The following RIGI variants were observed in gnomAD, a reference collection of about 807,000 sequenced individuals.
RIGI encodes antiviral innate immune response receptor RIG-I.
the RIGI span, among the ~76,000 whole-genome samples, chr9:32,497,266 T>C: frequency 6.6e-6 from 1 of 152,308 alleles, no homozygotes; most frequent in South Asian, 2.1e-4. Flanking sequence ...CTTGGTTAGG[T>C]TTCTTCCTAA....
At chr9:32,471,450 C>T in the RIGI span, among the ~76,000 whole-genome samples, 13 of 152,210 alleles carry the variant, frequency 8.5e-5, no homozygotes, top group Non-Finnish European at 1.0e-4. Context: ...ATTTATTCAG[C>T]AATTATGGCT....
chr9:32,519,417 C>T, the RIGI span, among the ~76,000 whole-genome samples: 1 of 152,124 alleles, frequency 6.6e-6, no homozygotes, highest in Non-Finnish European at 1.5e-5. Context: ...GGACACCAGC[C>T]TTTAAAATTT....
chr9:32,467,785 A>G, the RIGI span: 1 of 1,594,000 alleles, frequency 6.3e-7, no homozygotes, highest in Non-Finnish European at 8.6e-7. Context: ...CATTTTGATG[A>G]CATTGCCCAC....
At chr9:32,466,542 G>A in the RIGI span, 1 of 1,083,616 alleles carries the variant, frequency 9.2e-7, no homozygotes, top group African/African-American at 1.6e-5. Flanking sequence ...ATTCAACTTT[G>A]GTTCACTGAA....
At chr9:32,473,838 G>A in the RIGI span, among the ~76,000 whole-genome samples, 59 of 152,110 alleles carry the variant, frequency 3.9e-4, no homozygotes, top group Admixed American at 1.2e-3. Flanking sequence ...GACCAACCTC[G>A]GCAACATGGC....
chr9:32,476,887 T>TCTG, the RIGI span: 1 of 1,082,450 alleles, frequency 9.2e-7, no homozygotes. Context: ...TTCCCAAACT[T>TCTG]CTGGGATTAC....
chr9:32,459,819 T>C, the RIGI span, among the ~76,000 whole-genome samples: 1 of 152,176 alleles, frequency 6.6e-6, no homozygotes, highest in Non-Finnish European at 1.5e-5. Context: ...CTTTAGTGTT[T>C]GGCAAAACTT....
the RIGI span, among the ~76,000 whole-genome samples, chr9:32,463,281 A>G: frequency 3.9e-5 from 6 of 152,190 alleles, no homozygotes; most frequent in African/African-American, 1.4e-4. Flanking sequence ...CTGTTACATT[A>G]TATGTATTTA....
chr9:32,457,340 A>G, the RIGI span: 13 of 1,614,174 alleles, frequency 8.1e-6, no homozygotes, highest in African/African-American at 1.5e-4. Flanking sequence ...TCAAAACTTG[A>G]AAACTGCTTT....
At chr9:32,475,398 G>A in the RIGI span, among the ~76,000 whole-genome samples, 1 of 152,156 alleles carries the variant, frequency 6.6e-6, no homozygotes, top group Non-Finnish European at 1.5e-5. Context: ...ATCACCCCAT[G>A]TCAAGACTTA....
chr9:32,516,978 G>A, the RIGI span, among the ~76,000 whole-genome samples: 2 of 152,146 alleles, frequency 1.3e-5, no homozygotes, highest in Non-Finnish European at 2.9e-5. Context: ...TATAGTAATG[G>A]GAAATTAGAA....
chr9:32,508,329 C>T, the RIGI span, among the ~76,000 whole-genome samples: 9 of 137,266 alleles, frequency 6.6e-5, no homozygotes, highest in Admixed American at 2.4e-4. Context: ...AAAGGAACAG[C>T]TCCGGTCTGC....
At chr9:32,491,107 A>G in the RIGI span, among the ~76,000 whole-genome samples, 1 of 152,238 alleles carries the variant, frequency 6.6e-6, no homozygotes, top group African/African-American at 2.4e-5. Flanking sequence ...AGAAAAAAAG[A>G]TAGTGGAAGA....
chr9:32,522,747 C>T, the RIGI span, among the ~76,000 whole-genome samples: 4 of 152,252 alleles, frequency 2.6e-5, no homozygotes, highest in South Asian at 8.3e-4. Context: ...GCCCACCACG[C>T]CATTCCTCAG....
the RIGI span, among the ~76,000 whole-genome samples, chr9:32,476,713 A>T: frequency 1.3e-5 from 2 of 150,548 alleles, no homozygotes; most frequent in Non-Finnish European, 2.9e-5. Flanking sequence ...GTACGCTGTC[A>T]TGATCACTGC....
chr9:32,498,167 G>C, the RIGI span: 1 of 409,052 alleles, frequency 2.4e-6, no homozygotes, highest in Non-Finnish European at 5.0e-6. Context: ...GAGTGGGTCT[G>C]GCCAGTCTAT....
the RIGI span, among the ~76,000 whole-genome samples, chr9:32,468,725 G>A: frequency 6.6e-6 from 1 of 151,660 alleles, no homozygotes; most frequent in Non-Finnish European, 1.5e-5. Context: ...AAACTGACAA[G>A]CTAGCTATCA....
the RIGI span, among the ~76,000 whole-genome samples, chr9:32,503,720 A>T: frequency 4.6e-4 from 70 of 152,202 alleles, no homozygotes; most frequent in African/African-American, 1.7e-3. Flanking sequence ...CTCCAGAATC[A>T]TGGTTGGCCT....
the RIGI span, among the ~76,000 whole-genome samples, chr9:32,518,965 C>T: frequency 6.6e-6 from 1 of 152,170 alleles, no homozygotes; most frequent in Non-Finnish European, 1.5e-5. Context: ...CCATCTTGGC[C>T]TCCCAAAGTG....
Sources: gnomAD v4.1 joint callset for allele counts (sites outside exome capture counted in the v4.1 genomes callset) on GRCh38, gnomAD v4.1.1 for gene constraint, MANE v1.5 for transcripts, NCBI Gene and HGNC (gene_info 2026-07-23, HGNC 2026-07-21) for gene names.